The following TAFA1 variants were observed in gnomAD, a reference collection of about 807,000 sequenced individuals.
TAFA1 encodes the protein chemokine-like protein TAFA-1.
TAFA1 carries 4 observed loss-of-function variants against 18.5 expected under a neutral mutation model. The observed-to-expected ratio is 0.22, with a 90% CI of 0.11 to 0.49. The LOEUF (loss-of-function observed/expected upper bound fraction) is 0.49. Ranked by LOEUF, TAFA1 falls within the 20% of genes least tolerant of loss-of-function variation. TAFA1 has a pLI of 0.98. For missense variants in TAFA1, 147 were observed against 169.0 expected (o/e 0.87, Z 0.72); for synonymous variants, 56 against 55.2 (o/e 1.01, Z -0.06).
At chr3:68,018,308 C>A (rs1305997389) in intron 2 of TAFA1, among the ~76,000 whole-genome samples, 12 of 152,104 alleles carry the variant, frequency 7.9e-5, no homozygotes, top group African/African-American at 2.9e-4. Context: ...CTCTCTGAGC[C>A]CTGTGGGGCC....
At chr3:68,027,233 T>A (rs963381248) in intron 2 of TAFA1, among the ~76,000 whole-genome samples, 1 of 151,966 alleles carries the variant, frequency 6.6e-6, no homozygotes, top group Non-Finnish European at 1.5e-5. Context: ...ACGTGAGAGG[T>A]TTACTGCCTT....
intron 2 of TAFA1, among the ~76,000 whole-genome samples, chr3:68,188,507 T>TTATA (rs758653893): frequency 6.9e-6 from 1 of 145,716 alleles, no homozygotes; most frequent in African/African-American, 2.5e-5. Context: ...GTATATATAT[T>TTATA]TATATATATA....
intron 2 of TAFA1, among the ~76,000 whole-genome samples, chr3:68,372,272 A>G (rs1029078900): frequency 6.6e-6 from 1 of 152,188 alleles, no homozygotes; most frequent in African/African-American, 2.4e-5. Flanking sequence ...ACCCCCAGGA[A>G]TCTCTGAAGA....
At chr3:68,458,038 C>T (rs2071698933) in intron 3 of TAFA1, among the ~76,000 whole-genome samples, 1 of 152,146 alleles carries the variant, frequency 6.6e-6, no homozygotes, top group African/African-American at 2.4e-5. Flanking sequence ...TTTATGGCCC[C>T]ACCCAAATCT....
At chr3:68,254,893 A>G (rs1362359283) in intron 2 of TAFA1, among the ~76,000 whole-genome samples, 1 of 152,160 alleles carries the variant, frequency 6.6e-6, no homozygotes, top group Non-Finnish European at 1.5e-5. Context: ...GCCAGCCTAC[A>G]CAGTACAATA....
At chr3:68,079,171 T>A (rs1341369239) in intron 2 of TAFA1, among the ~76,000 whole-genome samples, 23 of 152,250 alleles carry the variant, frequency 1.5e-4, no homozygotes. Context: ...CCTTTATCAT[T>A]TTTTATTGCC....
At chr3:68,380,434 T>C (rs2069920503) in intron 2 of TAFA1, among the ~76,000 whole-genome samples, 1 of 152,178 alleles carries the variant, frequency 6.6e-6, no homozygotes, top group South Asian at 2.1e-4. Flanking sequence ...CACCTGTTGT[T>C]TCCTGACTTT....
intron 2 of TAFA1, among the ~76,000 whole-genome samples, chr3:68,268,829 T>C (rs2067601204): frequency 6.6e-6 from 1 of 152,086 alleles, no homozygotes; most frequent in Non-Finnish European, 1.5e-5. Flanking sequence ...TCATGATAAT[T>C]AAAAAAGATG....
At chr3:68,465,221 C>T (rs1451449894) in intron 3 of TAFA1, among the ~76,000 whole-genome samples, 1 of 152,158 alleles carries the variant, frequency 6.6e-6, no homozygotes, top group East Asian at 1.9e-4. Flanking sequence ...CCTCTTTCCT[C>T]TTTGTGCCTT....
At chr3:68,165,238 G>A (rs972696761) in intron 2 of TAFA1, among the ~76,000 whole-genome samples, 1 of 152,130 alleles carries the variant, frequency 6.6e-6, no homozygotes, top group Non-Finnish European at 1.5e-5. Context: ...TAGTAAATTT[G>A]CAGCAATCTC....
intron 4 of TAFA1, among the ~76,000 whole-genome samples, chr3:68,544,127 A>T (rs1015088044): frequency 3.3e-5 from 5 of 152,068 alleles, no homozygotes; most frequent in Non-Finnish European, 4.4e-5. Context: ...TAATCTCAAG[A>T]TGGCAACAGA....
At chr3:68,195,763 T>G (rs2066402957) in intron 2 of TAFA1, among the ~76,000 whole-genome samples, 1 of 151,732 alleles carries the variant, frequency 6.6e-6, no homozygotes, top group Non-Finnish European at 1.5e-5. Context: ...CTACTTTTCA[T>G]TAGGGTTCTT....
At chr3:68,154,638 A>G (rs1438980084) in intron 2 of TAFA1, among the ~76,000 whole-genome samples, 4 of 152,164 alleles carry the variant, frequency 2.6e-5, no homozygotes, top group Non-Finnish European at 4.4e-5. Flanking sequence ...GAGAAGCCAT[A>G]TAGCCATCTG....
intron 2 of TAFA1, among the ~76,000 whole-genome samples, chr3:68,339,979 C>A (rs988582085): frequency 6.6e-6 from 1 of 152,186 alleles, no homozygotes; most frequent in African/African-American, 2.4e-5. Context: ...ACTATTTGTT[C>A]CACCAAGGAG....
chr3:68,241,029 G>C (rs545932631), intron 2 of TAFA1, among the ~76,000 whole-genome samples: 27 of 152,014 alleles, frequency 1.8e-4, no homozygotes, highest in African/African-American at 4.8e-4. Context: ...TGAGATTGGG[G>C]AAAAACACCA....
In TAFA1 at chr3:68,538,744, G is replaced by A. The variant is rs763435853; in HGVS notation, c.260-12G>A. On this transcript the variant is annotated splice_polypyrimidine_tract_variant and intron_variant, in intron 3 of 4. Transcript: ENST00000478136. ...TGAATTGCAAACACAGTTGTTTCCT[G>A]TTTCTGCACAGCCTCCATAGTGATT... 8.1e-6 allele frequency: 13 copies of A among 1,612,918 alleles called. No homozygotes were observed. Among genetic ancestry groups the A allele is most frequent in the Non-Finnish European group, 1.0e-5 (12 of 1,179,440 alleles).
At chr3:68,035,329 C>T (rs1705023129) in intron 2 of TAFA1, among the ~76,000 whole-genome samples, 1 of 151,990 alleles carries the variant, frequency 6.6e-6, no homozygotes, top group Admixed American at 6.6e-5. Flanking sequence ...CTTCTCAAAC[C>T]CAAGGTTCTG....
chr3:68,384,255 T>C (rs1028250528), intron 2 of TAFA1, among the ~76,000 whole-genome samples: 1 of 152,048 alleles, frequency 6.6e-6, no homozygotes, highest in Admixed American at 6.6e-5. Context: ...TTCCTACTTT[T>C]TGTTGTGGTG....
At chr3:68,323,227 C>T (rs1307456183) in intron 2 of TAFA1, among the ~76,000 whole-genome samples, 1 of 152,178 alleles carries the variant, frequency 6.6e-6, no homozygotes, top group East Asian at 1.9e-4. Context: ...GAGAACACTA[C>T]CTCCTCCAGC....
Sources: allele counts gnomAD v4.1 joint callset (sites outside exome capture counted in the v4.1 genomes callset), GRCh38; gene constraint gnomAD v4.1.1; transcripts MANE v1.5; gene names NCBI Gene and HGNC (gene_info 2026-07-23, HGNC 2026-07-21).